The following ACOXL variants were observed in gnomAD, a reference collection of about 807,000 sequenced individuals.
ACOXL encodes acyl-CoA oxidase like.
Under a neutral mutation model 71.9 loss-of-function variants are expected in ACOXL, and 70 were observed. That is an observed-to-expected ratio of 0.97 (90% CI 0.80 to 1.19). The LOEUF (loss-of-function observed/expected upper bound fraction) is 1.19. Ranked by LOEUF, ACOXL falls within the 50% of genes most tolerant of loss-of-function variation. The pLI, the probability that ACOXL is intolerant of heterozygous loss-of-function variation, is 0.00. For missense variants in ACOXL, 703 were observed against 736.3 expected (o/e 0.95, Z 0.52); for synonymous variants, 253 against 281.6 (o/e 0.90, Z 1.02).
intron 10 of ACOXL, among the ~76,000 whole-genome samples, chr2:110,847,081 AGTG>A (rs1168622138): frequency 9.2e-5 from 14 of 152,218 alleles, no homozygotes; most frequent in Middle Eastern, 3.4e-3. Flanking sequence ...GAATCCACAC[AGTG>A]GTGACAGCTG....
At chr2:111,028,089 G>A (rs1412133821) in intron 14 of ACOXL, among the ~76,000 whole-genome samples, 1 of 151,964 alleles carries the variant, frequency 6.6e-6, no homozygotes, top group Admixed American at 6.6e-5. Context: ...CCAGAAGGCT[G>A]AGGTTGGGAG....
intron 12 of ACOXL, among the ~76,000 whole-genome samples, chr2:110,953,184 T>C (rs1397466405): frequency 2.0e-5 from 3 of 152,192 alleles, no homozygotes; most frequent in African/African-American, 7.2e-5. Flanking sequence ...TTTAAGCAAG[T>C]TACCCAAGAT....
intron 9 of ACOXL, among the ~76,000 whole-genome samples, chr2:110,812,162 A>G (rs984837077): frequency 2.6e-5 from 4 of 152,030 alleles, no homozygotes; most frequent in Non-Finnish European, 1.5e-5. Flanking sequence ...TATTTTGACA[A>G]CTCTTCAGGA....
intron 15 of ACOXL, among the ~76,000 whole-genome samples, chr2:111,042,302 A>T (rs1253415625): frequency 2.0e-5 from 3 of 152,222 alleles, no homozygotes; most frequent in African/African-American, 7.2e-5. Context: ...GACTCAGATT[A>T]TCAGAACAAT....
intron 1 of ACOXL, among the ~76,000 whole-genome samples, chr2:110,743,159 A>C (rs760093044): frequency 4.5e-4 from 69 of 152,232 alleles, no homozygotes; most frequent in Admixed American, 8.5e-4. Context: ...ATAATAGGTG[A>C]CCATTTGTAT....
At chr2:111,098,024 C>T (rs987382347) in intron 17 of ACOXL, among the ~76,000 whole-genome samples, 1 of 152,148 alleles carries the variant, frequency 6.6e-6, no homozygotes, top group African/African-American at 2.4e-5. Flanking sequence ...AGATCCTAAC[C>T]AAGTGATTAA....
At chr2:110,754,592 T>C (rs1212730964) in intron 1 of ACOXL, among the ~76,000 whole-genome samples, 1 of 152,222 alleles carries the variant, frequency 6.6e-6, no homozygotes, top group African/African-American at 2.4e-5. Flanking sequence ...TGTTTTGAGA[T>C]TGGCATTTTT....
At chr2:110,860,655 GA>G (rs1693833973) in intron 10 of ACOXL, among the ~76,000 whole-genome samples, 1 of 152,200 alleles carries the variant, frequency 6.6e-6, no homozygotes, top group East Asian at 1.9e-4. Flanking sequence ...GCAGAAGATG[GA>G]GTGCCTGGGG....
intron 17 of ACOXL, among the ~76,000 whole-genome samples, chr2:111,107,276 A>G (rs1221832175): frequency 6.6e-6 from 1 of 152,204 alleles, no homozygotes; most frequent in African/African-American, 2.4e-5. Flanking sequence ...AATGCAAGGA[A>G]TTCACCACTG....
At position 110,961,561 on chromosome 2, in the gene ACOXL, G is replaced by GA. The variant is rs1246714286; in HGVS notation, c.1060-25539dup. Reference sequence around the variant, plus strand: ...GGAAAAGAGGAGAGCAAAATGCTCAGAAAAAAAACACTTTGTTTCTTCAAC... The same window carrying GA: ...GGAAAAGAGGAGAGCAAAATGCTCAGAAAAAAAAACACTTTGTTTCTTCAAC... On this transcript the variant is annotated intron_variant, in intron 12 of 17. Transcript: ENST00000439055. 3.3e-3 allele frequency among the ~76,000 whole-genome samples: 498 copies of GA among 151,832 alleles called. 2 individuals are homozygous for GA. Among genetic ancestry groups the GA allele is most frequent in the African/African-American group, 9.0e-3 (373 of 41,392 alleles).
chr2:111,083,269 G>C (rs1217674464), intron 16 of ACOXL, among the ~76,000 whole-genome samples: 1 of 152,098 alleles, frequency 6.6e-6, no homozygotes, highest in African/African-American at 2.4e-5. Context: ...AAAGGGGGCT[G>C]TGTCAGGGGT....
At chr2:111,019,375 C>T (rs1265836108) in intron 14 of ACOXL, among the ~76,000 whole-genome samples, 4 of 152,152 alleles carry the variant, frequency 2.6e-5, no homozygotes, top group East Asian at 3.9e-4. Context: ...AGTTCAAATG[C>T]GTGCTAAATG....
At chr2:110,762,409 T>G (rs1269294365) in intron 1 of ACOXL, among the ~76,000 whole-genome samples, 1 of 152,214 alleles carries the variant, frequency 6.6e-6, no homozygotes, top group Non-Finnish European at 1.5e-5. Context: ...TTATTTCTCT[T>G]ATTTTTTTTG....
intron 10 of ACOXL, among the ~76,000 whole-genome samples, chr2:110,854,207 AGGGGAAGAAGAGAG>A (rs764447019): frequency 2.0e-5 from 3 of 152,090 alleles, no homozygotes; most frequent in Non-Finnish European, 4.4e-5. Flanking sequence ...GCAACTTCTG[AGGGGAAGAAGAGAG>A]GGGGAAGAAG....
intron 14 of ACOXL, among the ~76,000 whole-genome samples, chr2:110,997,673 T>C (rs2149600940): frequency 6.6e-6 from 1 of 152,156 alleles, no homozygotes; most frequent in Middle Eastern, 3.4e-3. Flanking sequence ...CAAAAAAGAA[T>C]CAAAATGAAT....
intron 12 of ACOXL, among the ~76,000 whole-genome samples, chr2:110,955,541 A>G (rs2061467610): frequency 6.6e-6 from 1 of 151,994 alleles, no homozygotes; most frequent in South Asian, 2.1e-4. Flanking sequence ...AAAGCTTAGA[A>G]TTTATTTTTA....
chr2:110,980,634 T>A (rs1264111835), intron 12 of ACOXL, among the ~76,000 whole-genome samples: 1 of 151,946 alleles, frequency 6.6e-6, no homozygotes, highest in African/African-American at 2.4e-5. Flanking sequence ...GCCTGCTGAG[T>A]CTCCACGCTG....
At chr2:111,056,402 C>T (rs545216123) in intron 16 of ACOXL, among the ~76,000 whole-genome samples, 49 of 152,250 alleles carry the variant, frequency 3.2e-4, no homozygotes, top group African/African-American at 1.1e-3. Context: ...ACCAACCCCC[C>T]AAATTATTGG....
chr2:110,854,988 A>G (rs186133289), intron 10 of ACOXL, among the ~76,000 whole-genome samples: 1 of 152,314 alleles, frequency 6.6e-6, no homozygotes, highest in East Asian at 1.9e-4. Flanking sequence ...GACCTACCCC[A>G]TGGGACTTGT....
Sources: gnomAD v4.1 joint callset for allele counts (sites outside exome capture counted in the v4.1 genomes callset) on GRCh38, gnomAD v4.1.1 for gene constraint, MANE v1.5 for transcripts, NCBI Gene and HGNC (gene_info 2026-07-23, HGNC 2026-07-21) for gene names.